AKAP11: variants seen among roughly 807,000 people sequenced by gnomAD.
AKAP11 encodes the protein A-kinase anchoring protein 11.
In AKAP11, 36 loss-of-function variants were observed where a neutral mutation model predicts 146.1. The observed-to-expected ratio is 0.25, with a 90% CI of 0.19 to 0.33. The LOEUF (loss-of-function observed/expected upper bound fraction) is 0.33. AKAP11 is among the 10% of genes least tolerant of loss of function. AKAP11 has a pLI of 1.00. For missense variants in AKAP11, 2,201 were observed against 2,197.0 expected, an observed-to-expected ratio of 1.00 and a Z score of -0.04; for synonymous variants, 780 against 786.5, an observed-to-expected ratio of 0.99 and a Z score of 0.14.
rs1959729299 is a variant in AKAP11 at position 42,299,595 on chromosome 13, G to A, written c.849G>A (p.Arg283=). The A allele has an allele frequency of 6.2e-7, 1 of 1,613,930 alleles. No homozygotes were observed. The highest frequency in any genetic ancestry group is 8.5e-7 in the Non-Finnish European group (1 of 1,179,874). Residue 283 remains arginine, a synonymous_variant, in exon 8 of 13, where the codon AGG becomes AGA. Coordinates refer to ENST00000025301, the MANE Select transcript of AKAP11 (RefSeq NM_016248.4). ...CTTGGACCCAAAGGAGTTTCTATAGGTCATCTAATGCTTCAGATAAAGATA... is the reference window on the plus strand; with the variant it reads ...CTTGGACCCAAAGGAGTTTCTATAGATCATCTAATGCTTCAGATAAAGATA... ...SEPWTQRSFY[R]SSNASDKDSD...
chr13:42,291,976 G>T (rs527509740), intron 3 of AKAP11, among the ~76,000 whole-genome samples: 1 of 152,106 alleles, frequency 6.6e-6, no homozygotes, highest in Admixed American at 6.5e-5. Flanking sequence ...GTTGTTAAGG[G>T]AGTAATCACT....
intron 4 of AKAP11, among the ~76,000 whole-genome samples, chr13:42,294,584 A>G (rs1217237851): frequency 6.6e-6 from 1 of 151,956 alleles, no homozygotes; most frequent in Non-Finnish European, 1.5e-5. Context: ...TTGTATTTTT[A>G]GTAGAGACGA....
Position 42,302,868 on chromosome 13 carries a change from A to T in AKAP11, c.4122A>T (p.Arg1374=), listed in dbSNP as rs370609638. The T allele has an allele frequency of 5.0e-6, 8 of 1,614,084 alleles. No individual in the cohort carries two copies. Among genetic ancestry groups the T allele is most frequent in the Middle Eastern group, 3.3e-4 (2 of 6,060 alleles). ...MDQYANRLAY[R]SVKSGLQEAA... ...AGTATGCCAATAGGCTTGCCTACCG[A>T]TCTGTTAAATCAGGATTACAGGAAG... Residue 1374 remains arginine (R), a synonymous_variant, in exon 8 of 13, where the codon CGA becomes CGT. Transcript: ENST00000025301.
intron 1 of AKAP11, among the ~76,000 whole-genome samples, chr13:42,282,538 G>A (rs1959085245): frequency 6.6e-6 from 1 of 152,042 alleles, no homozygotes; most frequent in Non-Finnish European, 1.5e-5. Context: ...TAAAGGATAT[G>A]TGTATTTATT....
At chr13:42,282,296 G>C (rs1959079858) in intron 1 of AKAP11, among the ~76,000 whole-genome samples, 1 of 145,468 alleles carries the variant, frequency 6.9e-6, no homozygotes, top group Non-Finnish European at 1.5e-5. Context: ...TTACAAGTGA[G>C]AGCATCCTAT....
intron 3 of AKAP11, among the ~76,000 whole-genome samples, chr13:42,292,047 G>A (rs55965121): frequency 0.13 from 19,458 of 152,192 alleles, 1,392 homozygotes; most frequent in South Asian, 0.2. Context: ...TGTTGCTTCT[G>A]TTCTACGCCA....
In AKAP11 at chr13:42,302,111, A is replaced by C; in HGVS notation, c.3365A>C (p.Lys1122Thr). 6.2e-7 allele frequency: 1 copy of C among 1,614,202 alleles called. No homozygotes were observed. Among genetic ancestry groups the C allele is most frequent in the Admixed American group, 1.7e-5 (1 of 60,024 alleles). The change falls in exon 8 of 13, where the codon AAA (lysine) becomes ACA (threonine). Residue 1122 changes from lysine (K) to threonine (T), a missense_variant. Physicochemically the swap from Lys to Thr is moderately conservative, Grantham distance 78 (BLOSUM62 -1). Around this residue, in one of 3 missense-constraint regions of AKAP11, gnomAD observed 1,867 missense variants for 1,833.5 expected, o/e 1.02. Coordinates refer to ENST00000025301, the MANE Select transcript of AKAP11 (RefSeq NM_016248.4). ...SSEWDIKKLTKKLKGELAKEF... is the reference protein window; with the variant it reads ...SSEWDIKKLTTKLKGELAKEF... Reference sequence around the variant, plus strand: ...GAATGGGATATCAAGAAGTTAACTAAAAAGCTCAAGGGAGAATTAGCCAAA... The same window carrying C: ...GAATGGGATATCAAGAAGTTAACTACAAAGCTCAAGGGAGAATTAGCCAAA...
Position 42,301,153 on chromosome 13 carries a change from G to A in AKAP11, c.2407G>A (p.Ala803Thr), listed in dbSNP as rs1481249157. 1.9e-6 allele frequency: 3 copies of A among 1,614,028 alleles called. No homozygotes were observed. The highest frequency in any genetic ancestry group is 2.2e-5 in the East Asian group (1 of 44,874). Residue 803 changes from alanine (A) to threonine (T), a missense_variant, in exon 8 of 13, where the codon GCT (alanine) becomes ACT (threonine). Ala to Thr is a moderately conservative substitution (Grantham distance 58). Around this residue, in one of 3 missense-constraint regions of AKAP11, gnomAD observed 1,867 missense variants for 1,833.5 expected, o/e 1.02. Transcript: ENST00000025301. Reference protein sequence around the residue: ...HISSTACQAKAHLSSDDSNSN... With the variant: ...HISSTACQAKTHLSSDDSNSN... Reference sequence around the variant, plus strand: ...TTCATCTACTGCATGTCAGGCCAAGGCTCATCTGTCATCTGATGATAGTAA... The same window carrying A: ...TTCATCTACTGCATGTCAGGCCAAGACTCATCTGTCATCTGATGATAGTAA...
chr13:42,300,161 T>C lies in AKAP11; in HGVS notation c.1415T>C (p.Ile472Thr), dbSNP rs747629519. Residue 472 changes from isoleucine (I) to threonine (T), a missense_variant, in exon 8 of 13, where the codon ATT becomes ACT. By Grantham distance (89) the Ile-to-Thr change is moderately conservative. This residue lies in a region of AKAP11 where 1,867 missense variants were observed against 1,833.5 expected (regional missense o/e 1.02). Transcript: ENST00000025301. ...GCTGAATGTTTTTGCCAAACAGATATTGGTGGAGATAGGATTCATGAAAAT... is the reference window on the plus strand; with the variant it reads ...GCTGAATGTTTTTGCCAAACAGATACTGGTGGAGATAGGATTCATGAAAAT... ...TPAECFCQTD[I>T]GGDRIHENHD... The C allele has an allele frequency of 3.1e-6, 5 of 1,613,962 alleles. No homozygotes were observed. In the South Asian group the frequency reaches 3.3e-5, roughly 11 times the overall value.
At position 42,301,312 on chromosome 13, in the gene AKAP11, G is replaced by A. The variant is rs373172714; in HGVS notation, c.2566G>A (p.Asp856Asn). 46 of 1,613,814 alleles carry A rather than the reference G, an allele frequency of 2.9e-5. No individual in the cohort carries two copies. The highest frequency in any genetic ancestry group is 3.9e-5 in the Non-Finnish European group (46 of 1,179,934). Residue 856 changes from aspartate (D) to asparagine (N), a missense_variant, in exon 8 of 13, where the codon GAT (aspartate) becomes AAT (asparagine). By Grantham distance (23) the Asp-to-Asn change is conservative. Transcript: ENST00000025301. ...NQNDFKPTND[D>N]IEMQSSSKLP... ...GAATGATTTTAAACCAACTAATGAC[G>A]ATATTGAAATGCAGAGTTCCTCAAA...
At chr13:42,306,240 A>G (rs903393383) in intron 8 of AKAP11, among the ~76,000 whole-genome samples, 5 of 152,194 alleles carry the variant, frequency 3.3e-5, no homozygotes, top group Non-Finnish European at 5.9e-5. Flanking sequence ...AGGCCTTTTT[A>G]CAATTGAAAT....
In AKAP11 at chr13:42,320,893, C is replaced by A. The variant is rs116583105; in HGVS notation, c.*1665C>A. ...AATGCCAAAAGCTATTTAAATAATT[C>A]GAGGTTACATCGTAGGTTTTGATTT... On this transcript the variant is annotated 3_prime_UTR_variant, in exon 13 of 13. Transcript: ENST00000025301. The A allele has an allele frequency of 6.6e-6, 1 of 152,194 alleles. No homozygotes were observed. Among genetic ancestry groups the A allele is most frequent in the Non-Finnish European group, 1.5e-5 (1 of 68,016 alleles). 9.4% of individuals were successfully genotyped at this position (152,194 alleles called of 1,614,324 possible).
At chr13:42,296,680 C>T (rs1322156923) in intron 5 of AKAP11, among the ~76,000 whole-genome samples, 2 of 151,674 alleles carry the variant, frequency 1.3e-5, no homozygotes, top group African/African-American at 2.4e-5. Context: ...TGTACATTCT[C>T]TAGCAAAAAA....
intron 11 of AKAP11, 82 bp from the exon 12 acceptor site, chr13:42,317,446 A>G: frequency 7.2e-7 from 1 of 1,382,218 alleles, no homozygotes; most frequent in Non-Finnish European, 9.8e-7. Flanking sequence ...GAACCAGAAA[A>G]TATTTGTATC....
chr13:42,272,428 G>A (rs1958795039), intron 1 of AKAP11, among the ~76,000 whole-genome samples, 200 bp downstream of exon 1: 1 of 152,188 alleles, frequency 6.6e-6, no homozygotes, highest in African/African-American at 2.4e-5. Context: ...GAGCGCGGCC[G>A]AAGGAGGAAA....
intron 4 of AKAP11, among the ~76,000 whole-genome samples, chr13:42,294,748 A>G (rs570971612): frequency 2.0e-5 from 3 of 152,208 alleles, no homozygotes; most frequent in Non-Finnish European, 4.4e-5. Context: ...AGTAGAACAA[A>G]GAAAATGACT....
At position 42,275,205 on chromosome 13, in the gene AKAP11, TC is replaced by T. The variant is rs377578812; in HGVS notation, c.-100+2979del. Among the ~76,000 whole-genome samples the T allele has an allele frequency of 2.0e-3, 307 of 152,342 alleles. 1 individual carries two copies. Among genetic ancestry groups the T allele is most frequent in the African/African-American group, 6.8e-3 (282 of 41,576 alleles). On this transcript the variant is annotated intron_variant, in intron 1 of 12. Coordinates refer to ENST00000025301, the MANE Select transcript of AKAP11 (RefSeq NM_016248.4). ...GTCTCTGCTACTCACGCAGGTCTGT[TC>T]CAGTTTCTTTCAGATTGGCCTTCTC...
chr13:42,275,864 C>T (rs1180385133), intron 1 of AKAP11, among the ~76,000 whole-genome samples: 1 of 152,172 alleles, frequency 6.6e-6, no homozygotes, highest in African/African-American at 2.4e-5. Flanking sequence ...TTGTTGAGAG[C>T]ATACCGTGTG....
At chr13:42,296,560 C>G (rs1959527674) in intron 5 of AKAP11, among the ~76,000 whole-genome samples, 1 of 151,914 alleles carries the variant, frequency 6.6e-6, no homozygotes, top group South Asian at 2.1e-4. Context: ...ATTTTCTTTT[C>G]CTTTAATCTT....
Sources: gnomAD v4.1 joint callset for allele counts (sites outside exome capture counted in the v4.1 genomes callset) on GRCh38, gnomAD v4.1.1 for gene constraint, gnomAD v4.1.1 regional missense constraint, MANE v1.5 for transcripts, NCBI Gene and HGNC (gene_info 2026-07-23, HGNC 2026-07-21) for gene names.